ME3: variants seen among roughly 807,000 people sequenced by gnomAD.
The protein encoded by ME3 is NADP-dependent malic enzyme, mitochondrial.
Under a neutral mutation model 68.9 loss-of-function variants are expected in ME3, and 48 were observed. The ratio of observed to expected loss-of-function variants is 0.70; its 90% CI spans 0.55 to 0.89. ME3 has a LOEUF of 0.89. Ranked by LOEUF, ME3 falls within the 40% of genes least tolerant of loss-of-function variation. The probability of loss-of-function intolerance (pLI) is 0.00; values close to 1 mark genes in which losing one functional copy is unlikely to be tolerated. For missense variants in ME3, 675 were observed against 797.4 expected (o/e 0.85, Z 1.85); for synonymous variants, 320 against 318.8 (o/e 1.00, Z -0.04).
At chr11:86,657,765 A>G (rs538773173) in intron 2 of ME3, among the ~76,000 whole-genome samples, 9 of 152,252 alleles carry the variant, frequency 5.9e-5, no homozygotes, top group African/African-American at 1.9e-4. Context: ...TTGTTCGTTC[A>G]CTTATTTATT....
intron 4 of ME3, among the ~76,000 whole-genome samples, chr11:86,531,505 A>G (rs1460878518): frequency 6.6e-6 from 1 of 152,218 alleles, no homozygotes; most frequent in African/African-American, 2.4e-5. Context: ...CTGGGTATAT[A>G]CCCAAAGGAT....
intron 5 of ME3, among the ~76,000 whole-genome samples, chr11:86,507,048 G>A (rs1439479293): frequency 6.6e-6 from 1 of 152,204 alleles, no homozygotes; most frequent in East Asian, 1.9e-4. Flanking sequence ...CTAGGGCCTT[G>A]GCTATGGCTC....
chr11:86,618,779 G>A (rs185784714), intron 2 of ME3, among the ~76,000 whole-genome samples: 18 of 151,162 alleles, frequency 1.2e-4, no homozygotes, highest in Non-Finnish European at 2.4e-4. Context: ...GTGCAATGGC[G>A]TGATCTCGGC....
At chr11:86,580,483 A>G (rs1352213472) in intron 2 of ME3, among the ~76,000 whole-genome samples, 1 of 152,182 alleles carries the variant, frequency 6.6e-6, no homozygotes, top group African/African-American at 2.4e-5. Flanking sequence ...TCATCATTGA[A>G]TAGTATGGAA....
chr11:86,638,788 C>A (rs766640987), intron 2 of ME3, among the ~76,000 whole-genome samples: 1 of 152,212 alleles, frequency 6.6e-6, no homozygotes, highest in African/African-American at 2.4e-5. Flanking sequence ...GATCAAGTAA[C>A]CTTCCCAAGA....
rs1946254137 is a variant in ME3, at chr11:86,661,216, C to A, written c.183+10546G>T. Among the ~76,000 whole-genome samples the A allele has an allele frequency of 1.3e-5, 2 of 152,226 alleles. 1 individual carries two copies. The highest frequency in any genetic ancestry group is 4.1e-4 in the South Asian group (2 of 4,830). On this transcript the variant is annotated intron_variant, in intron 2 of 14. Coordinates refer to ENST00000543262, the Ensembl canonical transcript of ME3. ...CCAAATGTGGAAAGAGCCATGACTA[C>A]TACAAATGCTACATGCCAAAGAAAT...
At chr11:86,621,009 A>G (rs182377192) in intron 2 of ME3, among the ~76,000 whole-genome samples, 227 of 152,228 alleles carry the variant, frequency 1.5e-3, no homozygotes, top group African/African-American at 5.3e-3. Context: ...CCGGGCCTCC[A>G]CCAAAGTAAG....
In ME3 at chr11:86,454,455, G is replaced by C. The variant is rs572395055; in HGVS notation, c.920-4057C>G. Among the ~76,000 whole-genome samples, 38 of 152,328 alleles carry C rather than the reference G, an allele frequency of 2.5e-4. 1 individual carries two copies. The highest frequency in any genetic ancestry group is 8.7e-4 in the African/African-American group (36 of 41,568). ...GTAGCCAGTGTAGACACAGTAGACT[G>C]TTTTATAGCTATTAAAAATGATCAT... On this transcript the variant is annotated intron_variant, in intron 8 of 14. Coordinates refer to ENST00000543262, the Ensembl canonical transcript of ME3.
rs563645432 is a variant in ME3 at position 86,521,209 on chromosome 11, C to T, written c.468-12342G>A. ...GAGATTGAGACCATCCTGGCTAACA[C>T]GGTGAAACACTGTCTCCACTAAAAA... On this transcript the variant is annotated intron_variant, in intron 4 of 14. Transcript: ENST00000543262. Among the ~76,000 whole-genome samples, 5 of 152,146 alleles carry T rather than the reference C, an allele frequency of 3.3e-5. No homozygotes were observed. The South Asian group carries it at 1.0e-3, about 32-fold the overall frequency.
At chr11:86,619,521 T>C (rs536901759) in intron 2 of ME3, among the ~76,000 whole-genome samples, 28 of 152,348 alleles carry the variant, frequency 1.8e-4, no homozygotes, top group Admixed American at 3.3e-4. Context: ...TGGGAGATAA[T>C]TGAATCACAG....
chr11:86,643,122 C>T (rs991693040), intron 2 of ME3, among the ~76,000 whole-genome samples: 3 of 152,146 alleles, frequency 2.0e-5, no homozygotes, highest in East Asian at 1.9e-4. Context: ...CTTCACTATT[C>T]GTCATACAAG....
At chr11:86,647,860 T>A (rs1312605744) in intron 2 of ME3, among the ~76,000 whole-genome samples, 2 of 151,974 alleles carry the variant, frequency 1.3e-5, no homozygotes, top group African/African-American at 4.8e-5. Context: ...AGACATAAAA[T>A]CAACAAGGAT....
chr11:86,464,113 C>T, intron 8 of ME3: 1 of 452,276 alleles, frequency 2.2e-6, no homozygotes, highest in Non-Finnish European at 4.4e-6. Flanking sequence ...CCTCTTTGGG[C>T]CTCTGGAGAA....
intron 2 of ME3, among the ~76,000 whole-genome samples, chr11:86,649,858 C>A (rs1002645182): frequency 8.5e-5 from 13 of 152,156 alleles, no homozygotes; most frequent in Admixed American, 5.2e-4. Context: ...CAGGAACAAT[C>A]AATATTGTGA....
intron 2 of ME3, among the ~76,000 whole-genome samples, chr11:86,604,111 TAA>T (rs201906419): frequency 9.6e-5 from 14 of 146,434 alleles, no homozygotes; most frequent in Admixed American, 6.2e-4. Flanking sequence ...AAAAAAAAGT[TAA>T]AAAAAAAAAG....
chr11:86,507,750 C>A (rs986766973), intron 5 of ME3, among the ~76,000 whole-genome samples: 1 of 152,058 alleles, frequency 6.6e-6, no homozygotes, highest in Non-Finnish European at 1.5e-5. Flanking sequence ...TGGGAGGCGT[C>A]GATGGACAGA....
At chr11:86,534,344 T>G (rs531521736) in intron 4 of ME3, among the ~76,000 whole-genome samples, 2 of 152,280 alleles carry the variant, frequency 1.3e-5, no homozygotes, top group South Asian at 4.1e-4. Context: ...TTATACACTT[T>G]TAAGTTAATT....
chr11:86,471,489 G>A (rs539034908), intron 7 of ME3, among the ~76,000 whole-genome samples: 1 of 152,088 alleles, frequency 6.6e-6, no homozygotes, highest in East Asian at 1.9e-4. Flanking sequence ...CCTTAAAATA[G>A]TGCTAATTCT....
rs572786434 is a variant in ME3 at position 86,628,156 on chromosome 11, G to T, written c.183+43606C>A. On this transcript the variant is annotated intron_variant, in intron 2 of 14. Coordinates refer to ENST00000543262, the Ensembl canonical transcript of ME3. ...ACTTATAATCTATCTGGAGAGTTAAGATTTAAGTTCATAAAATAATTACAT... is the reference window on the plus strand; with the variant it reads ...ACTTATAATCTATCTGGAGAGTTAATATTTAAGTTCATAAAATAATTACAT... Among the ~76,000 whole-genome samples the T allele has an allele frequency of 3.6e-4, 55 of 152,314 alleles. No individual in the cohort carries two copies. The South Asian group carries it at 0.011, about 31-fold the overall frequency.
Sources: gnomAD v4.1 joint callset for allele counts (sites outside exome capture counted in the v4.1 genomes callset) on GRCh38, gnomAD v4.1.1 for gene constraint, MANE v1.5 for transcripts, NCBI Gene and HGNC (gene_info 2026-07-23, HGNC 2026-07-21) for gene names.